The following SGCE variants were observed in gnomAD, a reference collection of about 807,000 sequenced individuals.
The protein encoded by SGCE is sarcoglycan epsilon, also known as epsilon-sarcoglycan.
SGCE carries 26 observed loss-of-function variants against 57.8 expected under a neutral mutation model. The ratio of observed to expected loss-of-function variants is 0.45; its 90% CI spans 0.33 to 0.62. The LOEUF (loss-of-function observed/expected upper bound fraction) is 0.62. Among genes scored for constraint, SGCE ranks in the 20% least tolerant of loss-of-function variants. The probability of loss-of-function intolerance (pLI) is 0.02; values close to 1 mark genes in which losing one functional copy is unlikely to be tolerated. For missense variants in SGCE, 468 were observed against 548.6 expected (o/e 0.85, Z 1.47); for synonymous variants, 183 against 189.5 (o/e 0.97, Z 0.28).
intron 5 of SGCE, among the ~76,000 whole-genome samples, chr7:94,606,029 A>G (rs899969684): frequency 1.3e-5 from 2 of 151,946 alleles, no homozygotes; most frequent in Non-Finnish European, 2.9e-5. Context: ...GGTTTTCACC[A>G]TGTTGGCTAG....
At chr7:94,591,403 A>C (rs1299733203) in intron 9 of SGCE, among the ~76,000 whole-genome samples, 2 of 152,170 alleles carry the variant, frequency 1.3e-5, no homozygotes, top group Non-Finnish European at 2.9e-5. Context: ...ACACACAAGC[A>C]CTTCCTCATT....
chr7:94,588,233 A>G, intron 10 of SGCE: 1 of 1,047,130 alleles, frequency 9.5e-7, no homozygotes, highest in Non-Finnish European at 1.1e-6. Context: ...AGCTTTTTAA[A>G]GCGGCTTTAA....
intron 9 of SGCE, among the ~76,000 whole-genome samples, chr7:94,595,402 G>A (rs375657097): frequency 5.3e-4 from 80 of 152,084 alleles, no homozygotes; most frequent in African/African-American, 3.1e-4. Context: ...GAATATTTCC[G>A]GTATCAATCT....
At chr7:94,610,170 A>G (rs1800783271) in intron 5 of SGCE, among the ~76,000 whole-genome samples, 1 of 152,240 alleles carries the variant, frequency 6.6e-6, no homozygotes, top group Non-Finnish European at 1.5e-5. Flanking sequence ...CTATGGAGAC[A>G]GTAAAAACAT....
intron 4 of SGCE, chr7:94,622,143 A>G (rs1802888705): frequency 6.6e-6 from 1 of 152,208 alleles, no homozygotes; most frequent in African/African-American, 2.4e-5. Flanking sequence ...CTAAATTAGT[A>G]GGTTCTGATA....
chr7:94,607,135 T>C (rs758214986), intron 5 of SGCE, among the ~76,000 whole-genome samples: 2 of 152,046 alleles, frequency 1.3e-5, no homozygotes, highest in Non-Finnish European at 2.9e-5. Context: ...CTATATGTAG[T>C]AAGGAAATTG....
intron 5 of SGCE, among the ~76,000 whole-genome samples, chr7:94,609,962 C>T (rs1800746846): frequency 6.6e-6 from 1 of 152,144 alleles, no homozygotes; most frequent in Admixed American, 6.5e-5. Context: ...ACCAAGATGT[C>T]CTCCAGTAGG....
intron 2 of SGCE, chr7:94,629,050 T>G (rs958435779): frequency 3.9e-5 from 6 of 152,270 alleles, no homozygotes; most frequent in African/African-American, 1.4e-4. Context: ...ATATCAATTC[T>G]AATGCTAAAA....
At chr7:94,633,586 G>A (rs545008607) in intron 1 of SGCE, among the ~76,000 whole-genome samples, 43 of 152,056 alleles carry the variant, frequency 2.8e-4, no homozygotes, top group Non-Finnish European at 4.9e-4. Context: ...TGACAGCATA[G>A]AGCCCAGAAT....
At chr7:94,651,750 C>T (rs570071726) in intron 1 of SGCE, among the ~76,000 whole-genome samples, 13 of 152,002 alleles carry the variant, frequency 8.6e-5, no homozygotes, top group Non-Finnish European at 1.0e-4. Context: ...GTCTTTAATA[C>T]GGTTACAGAA....
At chr7:94,643,351 T>C (rs1054024526) in intron 1 of SGCE, among the ~76,000 whole-genome samples, 1 of 152,238 alleles carries the variant, frequency 6.6e-6, no homozygotes, top group African/African-American at 2.4e-5. Flanking sequence ...AGTTGGCTTT[T>C]ACAGGATTCA....
In SGCE at chr7:94,601,443, CAAAAAAAAAA is replaced by C. The variant is rs71123905; in HGVS notation, c.826-596_826-587del. 5.5e-3 allele frequency among the ~76,000 whole-genome samples: 491 copies of C among 89,310 alleles called. 2 individuals are homozygous for C. The highest frequency in any genetic ancestry group is 0.026 in the African/African-American group (456 of 17,290). 58.6% of individuals were successfully genotyped at this position (89,310 alleles called of 152,430 possible). A position where few individuals can be genotyped will look rare whatever the true frequency, so the allele number is the denominator to read the frequency against. On this transcript the variant is annotated intron_variant, in intron 6 of 10. Coordinates refer to ENST00000648936, the MANE Select transcript of SGCE (RefSeq NM_003919.3). ...GTCTTACTTAATTCTATCCCAGTAT[CAAAAAAAAAA>C]AAAAAAAAAAAAAAAAAAAAAAACT...
chr7:94,645,562 T>C (rs887945751), intron 1 of SGCE, among the ~76,000 whole-genome samples: 2 of 152,170 alleles, frequency 1.3e-5, no homozygotes, highest in Non-Finnish European at 2.9e-5. Flanking sequence ...AAAAATTAGA[T>C]ATAAGAGACT....
chr7:94,605,465 A>C (rs1021668811), intron 5 of SGCE, among the ~76,000 whole-genome samples: 1 of 151,044 alleles, frequency 6.6e-6, no homozygotes, highest in Non-Finnish European at 1.5e-5. Context: ...AAATGTATAT[A>C]TCTACATATA....
At chr7:94,628,138 A>G (rs1325683038) in intron 3 of SGCE, 64 bp downstream of exon 3, 1 of 587,676 alleles carries the variant, frequency 1.7e-6, no homozygotes, top group African/African-American at 4.2e-5. Context: ...AAATTACAAT[A>G]CACACACACA....
At chr7:94,607,029 A>G (rs998604043) in intron 5 of SGCE, among the ~76,000 whole-genome samples, 7 of 151,712 alleles carry the variant, frequency 4.6e-5, no homozygotes, top group East Asian at 1.9e-4. Context: ...TCTAAAATCA[A>G]TAATTGAAAC....
chr7:94,626,064 T>G (rs942717922), intron 3 of SGCE: 3 of 152,124 alleles, frequency 2.0e-5, no homozygotes, highest in African/African-American at 4.8e-5. Flanking sequence ...ATCTGAATAT[T>G]CCTCATTACC....
rs1491569688 is a variant in SGCE at position 94,624,847 on chromosome 7, TAA to T, written c.391-1452_391-1451del. The T allele has an allele frequency of 4.6e-5, 7 of 152,190 alleles. No homozygotes were observed. The East Asian group carries it at 1.3e-3, about 29-fold the overall frequency. The allele number at this position is 152,190 out of a possible 1,614,324, so 9.4% of individuals were successfully genotyped here. On this transcript the variant is annotated intron_variant, in intron 3 of 10. Transcript: ENST00000648936. ...TTAATCATCACAAATTTCATTATTATAAGTTTCATAAATTCCAATAAATGTCT... is the reference window on the plus strand; with the variant it reads ...TTAATCATCACAAATTTCATTATTATGTTTCATAAATTCCAATAAATGTCT...
chr7:94,606,648 C>G (rs1030498807), intron 5 of SGCE, among the ~76,000 whole-genome samples: 5 of 152,160 alleles, frequency 3.3e-5, no homozygotes, highest in Non-Finnish European at 7.3e-5. Flanking sequence ...CACTTAGAGA[C>G]TACTTCATCC....
Sources: allele counts gnomAD v4.1 joint callset (sites outside exome capture counted in the v4.1 genomes callset), GRCh38; gene constraint gnomAD v4.1.1; transcripts MANE v1.5; gene names NCBI Gene and HGNC (gene_info 2026-07-23, HGNC 2026-07-21).